CAMK4: variants seen among roughly 807,000 people sequenced by gnomAD.
CAMK4 encodes the protein calcium/calmodulin dependent protein kinase IV, also known as calcium/calmodulin-dependent protein kinase type IV.
A neutral mutation model predicts 44.9 loss-of-function variants in CAMK4; 22 were observed. The ratio of observed to expected loss-of-function variants is 0.49; its 90% CI spans 0.35 to 0.70. CAMK4 has a LOEUF of 0.70. CAMK4 is among the 30% of genes least tolerant of loss of function. The probability of loss-of-function intolerance (pLI) is 0.01; values close to 1 mark genes in which losing one functional copy is unlikely to be tolerated. For synonymous variants in CAMK4, 218 were observed against 215.4 expected, an observed-to-expected ratio of 1.01 and a Z score of -0.11; for missense variants, 498 against 586.8, an observed-to-expected ratio of 0.85 and a Z score of 1.56.
chr5:111,312,396 A>G (rs1561403108), intron 1 of CAMK4, among the ~76,000 whole-genome samples: 1 of 152,196 alleles, frequency 6.6e-6, no homozygotes, highest in African/African-American at 2.4e-5. Flanking sequence ...ACATTAAAAT[A>G]GCTAGCTTAT....
chr5:111,429,576 C>G (rs1252567194), intron 5 of CAMK4, among the ~76,000 whole-genome samples: 1 of 151,772 alleles, frequency 6.6e-6, no homozygotes, highest in South Asian at 2.1e-4. Flanking sequence ...AGTTCCAGAT[C>G]AGCATGGGCA....
intron 5 of CAMK4, among the ~76,000 whole-genome samples, chr5:111,403,978 C>G (rs306098): frequency 1.3e-5 from 2 of 151,884 alleles, no homozygotes; most frequent in Non-Finnish European, 2.9e-5. Context: ...AAAGGAGCCT[C>G]TATTTCTTAT....
At chr5:111,357,327 C>G (rs1750405277) in intron 2 of CAMK4, among the ~76,000 whole-genome samples, 1 of 151,988 alleles carries the variant, frequency 6.6e-6, no homozygotes, top group Non-Finnish European at 1.5e-5. Flanking sequence ...GTCAGGAGAT[C>G]AAAGCTGGAG....
At chr5:111,263,695 C>T (rs1187024758) in intron 1 of CAMK4, among the ~76,000 whole-genome samples, 1 of 152,132 alleles carries the variant, frequency 6.6e-6, no homozygotes, top group Non-Finnish European at 1.5e-5. Context: ...CTGTATAACC[C>T]TCCCATAGCT....
chr5:111,360,411 C>T (rs1051906002), intron 2 of CAMK4, among the ~76,000 whole-genome samples: 4 of 152,044 alleles, frequency 2.6e-5, no homozygotes, highest in Admixed American at 2.6e-4. Flanking sequence ...CTACAGATGA[C>T]TAGGGACAGA....
intron 5 of CAMK4, among the ~76,000 whole-genome samples, chr5:111,428,186 G>A (rs1753301267): frequency 1.3e-5 from 2 of 152,212 alleles, no homozygotes; most frequent in African/African-American, 4.8e-5. Flanking sequence ...GGCTTGGGGT[G>A]CCCCCTGAAG....
In CAMK4 at chr5:111,344,406, AT is replaced by A. The variant is rs1749781560; in HGVS notation, c.240+305del. Among the ~76,000 whole-genome samples, 4 of 99,404 alleles carry A rather than the reference AT, an allele frequency of 4.0e-5. 1 individual carries two copies. The highest frequency in any genetic ancestry group is 6.4e-5 in the African/African-American group (2 of 31,202). The allele number at this position is 99,404 out of a possible 152,430, so 65.2% of individuals were successfully genotyped here. A position where few individuals can be genotyped will look rare whatever the true frequency, so the allele number is the denominator to read the frequency against. On this transcript the variant is annotated intron_variant, in intron 2 of 10. Coordinates refer to ENST00000282356, the MANE Select transcript of CAMK4 (RefSeq NM_001744.6). ...ATGTTCTTGGAGATTTTATATATAT[AT>A]ATATGTATATACACACACACACACA...
At chr5:111,262,572 T>C (rs1325040750) in intron 1 of CAMK4, among the ~76,000 whole-genome samples, 1 of 152,214 alleles carries the variant, frequency 6.6e-6, no homozygotes, top group Non-Finnish European at 1.5e-5. Flanking sequence ...CTGTCTAAAG[T>C]TGAATCAATC....
At chr5:111,324,714 A>T (rs571663983) in intron 1 of CAMK4, among the ~76,000 whole-genome samples, 5 of 152,150 alleles carry the variant, frequency 3.3e-5, no homozygotes, top group Non-Finnish European at 7.4e-5. Context: ...CACTTACAGA[A>T]CATCAGATTA....
At chr5:111,240,853 A>G (rs2112517687) in intron 1 of CAMK4, among the ~76,000 whole-genome samples, 1 of 152,280 alleles carries the variant, frequency 6.6e-6, no homozygotes, top group Non-Finnish European at 1.5e-5. Context: ...ACATTAAATA[A>G]CCCTATGACT....
At chr5:111,342,012 C>A (rs886246160) in intron 1 of CAMK4, among the ~76,000 whole-genome samples, 1 of 151,500 alleles carries the variant, frequency 6.6e-6, no homozygotes. Context: ...TTCAACACCG[C>A]TCTCTCGATT....
At chr5:111,408,994 C>G (rs902824736) in intron 5 of CAMK4, among the ~76,000 whole-genome samples, 1 of 152,154 alleles carries the variant, frequency 6.6e-6, no homozygotes, top group Non-Finnish European at 1.5e-5. Context: ...AGCTTCCCTC[C>G]CAACTGCTTT....
chr5:111,280,171 C>T (rs539747875), intron 1 of CAMK4, among the ~76,000 whole-genome samples: 2 of 152,242 alleles, frequency 1.3e-5, no homozygotes, highest in South Asian at 2.1e-4. Flanking sequence ...GAATATTCCC[C>T]AGGCATCACA....
chr5:111,261,590 A>G (rs1266733426), intron 1 of CAMK4, among the ~76,000 whole-genome samples: 2 of 150,614 alleles, frequency 1.3e-5, no homozygotes, highest in Admixed American at 6.6e-5. Flanking sequence ...GGTCACCACA[A>G]TGACTTTTTC....
At chr5:111,449,775 A>G (rs1486875970) in intron 7 of CAMK4, 1 of 152,244 alleles carries the variant, frequency 6.6e-6, no homozygotes, top group Non-Finnish European at 1.5e-5. Flanking sequence ...AGGCATTGCA[A>G]TCAGAAAGAA....
intron 9 of CAMK4, among the ~76,000 whole-genome samples, chr5:111,481,405 C>T (rs1755429063): frequency 6.6e-6 from 1 of 152,116 alleles, no homozygotes; most frequent in Non-Finnish European, 1.5e-5. Context: ...CCTCCATGTC[C>T]TCTCAGATTT....
intron 2 of CAMK4, among the ~76,000 whole-genome samples, chr5:111,362,060 T>G (rs969911466): frequency 2.0e-5 from 3 of 152,032 alleles, no homozygotes; most frequent in Non-Finnish European, 4.4e-5. Flanking sequence ...TGAAAAGTCA[T>G]TCTAGGAAAG....
At chr5:111,332,430 T>C (rs1453538534) in intron 1 of CAMK4, among the ~76,000 whole-genome samples, 6 of 151,572 alleles carry the variant, frequency 4.0e-5, no homozygotes, top group African/African-American at 1.4e-4. Context: ...TATGGCTACA[T>C]AGTATTCCAC....
Position 111,224,521 on chromosome 5 carries a change from C to A in CAMK4, c.38C>A (p.Ser13Tyr). Residue 13 changes from serine (S) to tyrosine (Y), a missense_variant, in exon 1 of 11, where the codon TCC (serine) becomes TAC (tyrosine). Physicochemically the swap from Ser to Tyr is moderately radical, Grantham distance 144. Transcript: ENST00000282356. The surrounding 1 kb of genome is among the most constrained non-coding windows in gnomAD (Gnocchi z 5.7). ...ACGGTGCCCTCCTGCTCCGCCTCGT[C>A]CTGCTCTTCGGTCACCGCCAGTGCG... Reference protein sequence around the residue: ...KVTVPSCSASSCSSVTASAAP... With the variant: ...KVTVPSCSASYCSSVTASAAP... 6.2e-7 allele frequency: 1 copy of A among 1,611,390 alleles called. No homozygotes were observed.
Sources: allele counts gnomAD v4.1 joint callset (sites outside exome capture counted in the v4.1 genomes callset), GRCh38; gene constraint gnomAD v4.1.1; non-coding constraint Gnocchi (gnomAD v3.1); transcripts MANE v1.5; gene names NCBI Gene and HGNC (gene_info 2026-07-23, HGNC 2026-07-21).